The following LRP1B variants were observed in gnomAD, a reference collection of about 807,000 sequenced individuals.
The protein encoded by LRP1B is LDL receptor related protein 1B, also known as low-density lipoprotein receptor-related protein 1B.
Under a neutral mutation model 556.6 loss-of-function variants are expected in LRP1B, and 217 were observed. That is an observed-to-expected ratio of 0.39 (90% CI 0.35 to 0.44). The LOEUF is 0.44. Among genes scored for constraint, LRP1B ranks in the 20% least tolerant of loss-of-function variants. The pLI is 1.00. For missense variants in LRP1B, 5,053 were observed against 5,620.8 expected (o/e 0.90, Z 3.23); for synonymous variants, 2,047 against 1,865.8 (o/e 1.10, Z -2.50).
chr2:141,980,662 G>C (rs1343463315), intron 1 of LRP1B, among the ~76,000 whole-genome samples: 2 of 152,130 alleles, frequency 1.3e-5, no homozygotes, highest in Non-Finnish European at 2.9e-5. Flanking sequence ...AGCACTATCA[G>C]ATTTAATTTT....
chr2:140,920,384 A>T (rs1424635101), intron 21 of LRP1B, among the ~76,000 whole-genome samples: 2 of 152,068 alleles, frequency 1.3e-5, no homozygotes, highest in Non-Finnish European at 2.9e-5. Context: ...ATTTATGTAT[A>T]AGAAAGCTAT....
chr2:141,881,717 T>TA (rs1698963458), intron 1 of LRP1B, among the ~76,000 whole-genome samples: 1 of 152,026 alleles, frequency 6.6e-6, no homozygotes, highest in African/African-American at 2.4e-5. Flanking sequence ...AATCCCCATA[T>TA]AAGCTTTCTT....
intron 79 of LRP1B, among the ~76,000 whole-genome samples, chr2:140,331,408 CAAT>C (rs1251416810): frequency 6.6e-6 from 1 of 151,830 alleles, no homozygotes; most frequent in African/African-American, 2.4e-5. Context: ...TGCCCAATAA[CAAT>C]AATAATCAGT....
At position 141,094,960 on chromosome 2, in the gene LRP1B, G is replaced by A. The variant is rs141039575; in HGVS notation, c.1014-32687C>T. On this transcript the variant is annotated intron_variant, in intron 7 of 90. Coordinates refer to ENST00000389484, the MANE Select transcript of LRP1B (RefSeq NM_018557.3). ...TGAAAGTTTGATCCCCAGTGCAACA[G>A]TGTTGAGAGAGTGGGGCCTAGTGAG... Among the ~76,000 whole-genome samples the A allele has an allele frequency of 1.8e-3, 270 of 152,324 alleles. 2 individuals are homozygous for A. Among genetic ancestry groups the A allele is most frequent in the African/African-American group, 6.3e-3 (262 of 41,580 alleles).
chr2:142,016,016 G>A (rs1401591779), intron 1 of LRP1B, among the ~76,000 whole-genome samples: 3 of 34,010 alleles, frequency 8.8e-5, no homozygotes. Flanking sequence ...AAAAAAAGTG[G>A]GTGAAGGAGA....
chr2:140,546,652 CT>C (rs1680351335), intron 43 of LRP1B, among the ~76,000 whole-genome samples: 1 of 152,048 alleles, frequency 6.6e-6, no homozygotes, highest in South Asian at 2.1e-4. Flanking sequence ...CACAGGGTCC[CT>C]CCCGTGACAC....
chr2:141,327,710 G>T (rs953371514), intron 3 of LRP1B, among the ~76,000 whole-genome samples: 5 of 152,158 alleles, frequency 3.3e-5, no homozygotes, highest in Non-Finnish European at 7.3e-5. Context: ...AATGTTGAAA[G>T]TATAGTCTGC....
chr2:140,475,134 C>A lies in LRP1B; in HGVS notation c.9625+4G>T. On this transcript the variant is annotated splice_donor_region_variant and intron_variant, in intron 60 of 90. Coordinates refer to ENST00000389484, the MANE Select transcript of LRP1B (RefSeq NM_018557.3). ...TACTAGAATATTTATGTTACTGGAC[C>A]AACCTTTGTGTCTATGAGATCCATC... The A allele has an allele frequency of 1.3e-6, 2 of 1,518,218 alleles. No individual in the cohort carries two copies. The highest frequency in any genetic ancestry group is 1.8e-6 in the Non-Finnish European group (2 of 1,126,506). The allele number at this position is 1,518,218 out of a possible 1,614,324, so 94.0% of individuals were successfully genotyped here.
intron 77 of LRP1B, among the ~76,000 whole-genome samples, chr2:140,348,220 A>G (rs940190942): frequency 4.6e-5 from 7 of 152,088 alleles, no homozygotes; most frequent in Non-Finnish European, 7.4e-5. Context: ...TACAATTCAC[A>G]TTACTCATTA....
At chr2:140,631,344 A>C (rs1683876742) in intron 41 of LRP1B, among the ~76,000 whole-genome samples, 2 of 152,256 alleles carry the variant, frequency 1.3e-5, no homozygotes, top group Admixed American at 1.3e-4. Context: ...ACAAAATAGC[A>C]GAGATTTTGG....
At chr2:140,858,771 T>C (rs2105136268) in intron 27 of LRP1B, among the ~76,000 whole-genome samples, 1 of 152,110 alleles carries the variant, frequency 6.6e-6, no homozygotes. Context: ...TGTGTGTTGT[T>C]CCCCACCATG....
At chr2:141,316,084 A>T (rs1019964658) in intron 3 of LRP1B, among the ~76,000 whole-genome samples, 1 of 151,902 alleles carries the variant, frequency 6.6e-6, no homozygotes, top group Non-Finnish European at 1.5e-5. Flanking sequence ...AAGAGATCAG[A>T]TTCATGGCAG....
At chr2:140,250,464 A>G (rs1681362806) in intron 86 of LRP1B, among the ~76,000 whole-genome samples, 1 of 151,656 alleles carries the variant, frequency 6.6e-6, no homozygotes, top group Non-Finnish European at 1.5e-5. Context: ...TGCTCTTAGC[A>G]GTTTCCTGCT....
intron 1 of LRP1B, among the ~76,000 whole-genome samples, chr2:141,870,377 C>G (rs572407415): frequency 1.1e-4 from 17 of 152,014 alleles, no homozygotes; most frequent in South Asian, 4.1e-4. Flanking sequence ...CAGCAAACCA[C>G]ACTCTGGGGT....
At chr2:142,073,881 T>C (rs772606794) in intron 1 of LRP1B, among the ~76,000 whole-genome samples, 28 of 151,926 alleles carry the variant, frequency 1.8e-4, no homozygotes, top group Non-Finnish European at 2.8e-4. Context: ...CCCTTCACTT[T>C]GGGCCATGAT....
At chr2:141,787,246 T>A (rs559132994) in intron 2 of LRP1B, among the ~76,000 whole-genome samples, 80 of 152,020 alleles carry the variant, frequency 5.3e-4, no homozygotes, top group African/African-American at 1.9e-3. Context: ...AGAAGTTCAA[T>A]CAAGAGAAAA....
At chr2:140,278,684 A>G (rs559372467) in intron 84 of LRP1B, among the ~76,000 whole-genome samples, 1 of 152,052 alleles carries the variant, frequency 6.6e-6, no homozygotes, top group Non-Finnish European at 1.5e-5. Context: ...ATTAGAATTT[A>G]CACTTTAATA....
chr2:140,974,992 GGA>G (rs1232061353), intron 18 of LRP1B, among the ~76,000 whole-genome samples: 4 of 152,150 alleles, frequency 2.6e-5, no homozygotes, highest in Non-Finnish European at 5.9e-5. Context: ...ACAAAGAACT[GGA>G]GAGTGATCGC....
chr2:140,486,156 T>C (rs1688462209), intron 58 of LRP1B, among the ~76,000 whole-genome samples: 1 of 152,100 alleles, frequency 6.6e-6, no homozygotes, highest in Non-Finnish European at 1.5e-5. Flanking sequence ...CAACAATTTT[T>C]GATCTATATC....
Sources: gnomAD v4.1 joint callset for allele counts (sites outside exome capture counted in the v4.1 genomes callset) on GRCh38, gnomAD v4.1.1 for gene constraint, MANE v1.5 for transcripts, NCBI Gene and HGNC (gene_info 2026-07-23, HGNC 2026-07-21) for gene names.